LAPTM5: variants seen among roughly 807,000 people sequenced by gnomAD.
LAPTM5 encodes the protein lysosomal-associated transmembrane protein 5.
A neutral mutation model predicts 30.1 loss-of-function variants in LAPTM5; 11 were observed. The ratio of observed to expected loss-of-function variants is 0.37; its 90% CI spans 0.23 to 0.60. The LOEUF (loss-of-function observed/expected upper bound fraction) is 0.60, where lower values mean the gene tolerates loss of function less well. Among genes scored for constraint, LAPTM5 ranks in the 20% least tolerant of loss-of-function variants. The probability of loss-of-function intolerance (pLI) is 0.71; values close to 1 mark genes in which losing one functional copy is unlikely to be tolerated. For synonymous variants in LAPTM5, 151 were observed against 137.9 expected (o/e 1.10, Z -0.67); for missense variants, 324 against 332.5 (o/e 0.97, Z 0.20).
chr1:30,756,047 A>G (rs992095874), intron 1 of LAPTM5, among the ~76,000 whole-genome samples: 6 of 152,216 alleles, frequency 3.9e-5, no homozygotes, highest in African/African-American at 1.4e-4. Context: ...CCCTGACTTT[A>G]TAAAAGGGAA....
Position 30,733,559 on chromosome 1 carries a change from C to T in LAPTM5, c.*269G>A. The T allele has an allele frequency of 3.3e-6, 5 of 1,498,130 alleles. No individual in the cohort carries two copies. Among genetic ancestry groups the T allele is most frequent in the Non-Finnish European group, 4.5e-6 (5 of 1,122,966 alleles). 92.8% of individuals were successfully genotyped at this position (1,498,130 alleles called of 1,614,324 possible). ...ACTTTAGAATGGCCAATCGTCTAAA[C>T]AAGTGTCAGAGCTGATTGAAATAAA... On this transcript the variant is annotated 3_prime_UTR_variant, in exon 8 of 8. Transcript: ENST00000294507.
chr1:30,733,791 C>T lies in LAPTM5; in HGVS notation c.*37G>A, dbSNP rs746538740. The T allele has an allele frequency of 3.1e-6, 5 of 1,592,704 alleles. No individual in the cohort carries two copies. Among genetic ancestry groups the T allele is most frequent in the Non-Finnish European group, 4.3e-6 (5 of 1,172,134 alleles). Reference sequence around the variant, plus strand: ...AAAAAAGCAGATTATGAGGCAGCTCCACCCCTCCCAGCACTGGGGCTGGGG... The same window carrying T: ...AAAAAAGCAGATTATGAGGCAGCTCTACCCCTCCCAGCACTGGGGCTGGGG... On this transcript the variant is annotated 3_prime_UTR_variant, in exon 8 of 8. Transcript: ENST00000294507.
At chr1:30,741,573 C>T in intron 3 of LAPTM5, 67 bp downstream of exon 3, 1 of 1,282,800 alleles carries the variant, frequency 7.8e-7, no homozygotes, top group Non-Finnish European at 1.1e-6. Context: ...GCACCCAGCA[C>T]TGCCCACCAC....
chr1:30,737,698 T>C lies in LAPTM5; in HGVS notation c.512A>G (p.Asn171Ser). Residue 171 changes from asparagine (N) to serine (S), a missense_variant and splice_region_variant, in exon 6 of 8, where the codon AAT (asparagine) becomes AGT (serine). Transcript: ENST00000294507. ...CATATCCTCCTGGCTGGGGAGGTAA[T>C]TCTGCAACAGATTTGGGGGCCACAT... ...YLNFKSMNHM[N>S]YLPSQEDMPH... 1.9e-6 allele frequency: 3 copies of C among 1,608,812 alleles called. No individual in the cohort carries two copies. The highest frequency in any genetic ancestry group is 1.7e-6 in the Non-Finnish European group (2 of 1,175,544).
intron 7 of LAPTM5, among the ~76,000 whole-genome samples, chr1:30,734,459 TAG>T (rs1471569419): frequency 6.6e-6 from 1 of 152,038 alleles, no homozygotes; most frequent in Non-Finnish European, 1.5e-5. Flanking sequence ...TCAAGGAAAG[TAG>T]AGTCAAGAGT....
chr1:30,741,444 G>A (rs1245188083), intron 3 of LAPTM5, among the ~76,000 whole-genome samples, 196 bp downstream of exon 3: 1 of 152,192 alleles, frequency 6.6e-6, no homozygotes, highest in Non-Finnish European at 1.5e-5. Context: ...ATGTTACCAG[G>A]GAACTGAGGT....
In LAPTM5 at chr1:30,733,529, CACCA is replaced by C. The variant is rs139954312; in HGVS notation, c.*295_*298del. 5.4e-3 allele frequency: 7,893 copies of C among 1,453,402 alleles called. 298 individuals carry two copies. In the African/African-American group the frequency reaches 0.09, roughly 17 times the overall value. 90.0% of individuals were successfully genotyped at this position (1,453,402 alleles called of 1,614,324 possible). A position where few individuals can be genotyped will look rare whatever the true frequency, so the allele number is the denominator to read the frequency against. On this transcript the variant is annotated 3_prime_UTR_variant, in exon 8 of 8. Transcript: ENST00000294507. ...CAAGTCGATAGTTGCTTGACAAACT[CACCA>C]ACTTTAGAATGGCCAATCGTCTAAA...
At position 30,746,619 on chromosome 1, in the gene LAPTM5, T is replaced by G. The variant is rs1428832676; in HGVS notation, c.88-4070A>C. Among the ~76,000 whole-genome samples, 1 of 152,122 alleles carries G rather than the reference T, an allele frequency of 6.6e-6. No individual in the cohort carries two copies. Among genetic ancestry groups the G allele is most frequent in the Non-Finnish European group, 1.5e-5 (1 of 68,004 alleles). ...CAATGCGCAGGCAGACAGCATGCCC[T>G]CACCCACTTGCTCCCCAATTACAGC... On this transcript the variant is annotated intron_variant, in intron 1 of 7. Transcript: ENST00000294507. The surrounding 1 kb of genome is among the most constrained non-coding windows in gnomAD (Gnocchi z 4.0).
intron 6 of LAPTM5, among the ~76,000 whole-genome samples, 180 bp downstream of exon 6, chr1:30,737,424 C>T (rs1639903777): frequency 6.6e-6 from 1 of 152,070 alleles, no homozygotes; most frequent in Admixed American, 6.5e-5. Flanking sequence ...TGGGCTGTCT[C>T]GGAGGATCCC....
intron 1 of LAPTM5, among the ~76,000 whole-genome samples, chr1:30,750,347 T>C (rs1640115643): frequency 6.6e-6 from 1 of 152,206 alleles, no homozygotes; most frequent in Admixed American, 6.5e-5. Context: ...TTGATACTAT[T>C]ATTGTTGTGC....
intron 6 of LAPTM5, 142 bp from the exon 7 acceptor site, chr1:30,735,407 G>C (rs1468953865): frequency 1.5e-6 from 1 of 687,964 alleles, no homozygotes; most frequent in Non-Finnish European, 2.6e-6. Context: ...TCTCATTCTG[G>C]TTGGGGGTTC....
chr1:30,755,411 C>T (rs1387430807), intron 1 of LAPTM5, among the ~76,000 whole-genome samples: 1 of 152,048 alleles, frequency 6.6e-6, no homozygotes, highest in Non-Finnish European at 1.5e-5. Context: ...TCACTCAAAA[C>T]CTTTATCACC....
At chr1:30,743,495 G>C (rs1439257638) in intron 1 of LAPTM5, among the ~76,000 whole-genome samples, 1 of 152,144 alleles carries the variant, frequency 6.6e-6, no homozygotes, top group Non-Finnish European at 1.5e-5. Flanking sequence ...CCATAAACCT[G>C]TGCCATGCAG....
At chr1:30,744,389 G>A (rs1157945373) in intron 1 of LAPTM5, among the ~76,000 whole-genome samples, 2 of 152,164 alleles carry the variant, frequency 1.3e-5, no homozygotes, top group Non-Finnish European at 2.9e-5. Context: ...GCAGATGACA[G>A]CTCCGTCCAG....
At chr1:30,742,202 C>A in intron 2 of LAPTM5, 1 of 553,156 alleles carries the variant, frequency 1.8e-6, no homozygotes, top group South Asian at 2.0e-5. Context: ...AGGCTATCAC[C>A]TTTACCAGCT....
chr1:30,749,568 G>A (rs923120472), intron 1 of LAPTM5, among the ~76,000 whole-genome samples: 9 of 152,176 alleles, frequency 5.9e-5, no homozygotes, highest in Non-Finnish European at 1.0e-4. Flanking sequence ...GATGAATCAG[G>A]CTGGGTCAAG....
chr1:30,754,591 G>GCCC (rs1270000938), intron 1 of LAPTM5, among the ~76,000 whole-genome samples: 1 of 151,988 alleles, frequency 6.6e-6, no homozygotes, highest in Admixed American at 6.6e-5. Context: ...GCAAGTTACT[G>GCCC]AACTTTGAAA....
intron 1 of LAPTM5, among the ~76,000 whole-genome samples, chr1:30,757,252 G>A (rs1407884): frequency 0.16 from 24,508 of 152,178 alleles, 2,566 homozygotes; most frequent in Admixed American, 0.29. Flanking sequence ...CTCACATCCC[G>A]GTCAAACAAT....
Position 30,757,644 on chromosome 1 carries a change from G to T in LAPTM5, c.87+15C>A, listed in dbSNP as rs1330516927. 6.2e-7 allele frequency: 1 copy of T among 1,611,862 alleles called. No homozygotes were observed. Among genetic ancestry groups the T allele is most frequent in the African/African-American group, 1.3e-5 (1 of 75,018 alleles). ...CAAGCACGCACGCACACACACCCGG[G>T]GCCCGCACACTCACCACATGGTAGA... On this transcript the variant is annotated intron_variant, in intron 1 of 7. Coordinates refer to ENST00000294507, the MANE Select transcript of LAPTM5 (RefSeq NM_006762.3).
Sources: gnomAD v4.1 joint callset for allele counts (sites outside exome capture counted in the v4.1 genomes callset) on GRCh38, gnomAD v4.1.1 for gene constraint, Gnocchi (gnomAD v3.1) non-coding constraint, MANE v1.5 for transcripts, NCBI Gene and HGNC (gene_info 2026-07-23, HGNC 2026-07-21) for gene names.